Variants in C11orf65 observed in about 807,000 individuals in gnomAD.
The protein encoded by C11orf65 is chromosome 11 open reading frame 65.
In C11orf65, 38 loss-of-function variants were observed where a neutral mutation model predicts 35.3. The ratio of observed to expected loss-of-function variants is 1.08; its 90% CI spans 0.83 to 1.41. The LOEUF is 1.41. C11orf65 is among the 40% of genes most tolerant of loss of function. The probability of loss-of-function intolerance (pLI) is 0.00; values close to 1 mark genes in which losing one functional copy is unlikely to be tolerated. For synonymous variants in C11orf65, 105 were observed against 114.4 expected, an observed-to-expected ratio of 0.92 and a Z score of 0.53; for missense variants, 370 against 367.1, an observed-to-expected ratio of 1.01 and a Z score of -0.06.
downstream of C11orf65, chr11:108,328,869 G>A (rs1415779598): frequency 7.3e-6 from 6 of 823,496 alleles, no homozygotes; most frequent in South Asian, 3.6e-5. Flanking sequence ...CCCATGGGCC[G>A]TGGGTTGGAC....
intron 2 of C11orf65, chr11:108,336,177 C>A (rs1359571343): frequency 2.2e-6 from 1 of 461,278 alleles, no homozygotes; most frequent in Non-Finnish European, 3.9e-6. Flanking sequence ...ATGGCATGTG[C>A]TTGTAGTCCC....
intron 3 of C11orf65, among the ~76,000 whole-genome samples, chr11:108,333,272 A>G (rs377503791): frequency 7.2e-4 from 110 of 152,284 alleles, no homozygotes; most frequent in African/African-American, 2.5e-3. Context: ...ACTTAAAAAC[A>G]AAAAAAGGCT....
Position 108,354,875 on chromosome 11 carries a change from G to A in C11orf65, c.227-19583C>T, listed in dbSNP as rs1555143620. On this transcript the variant is annotated intron_variant, in intron 2 of 3. Coordinates refer to the C11orf65 transcript ENST00000524755. ...GGAAACTCTGTTAACCATTGTAGAGGTAAAGTATTTTATAAGGAAGACTTT... is the reference window on the plus strand; with the variant it reads ...GGAAACTCTGTTAACCATTGTAGAGATAAAGTATTTTATAAGGAAGACTTT... The A allele has an allele frequency of 1.2e-6, 2 of 1,611,036 alleles. No individual in the cohort carries two copies. Among genetic ancestry groups the A allele is most frequent in the Non-Finnish European group, 1.7e-6 (2 of 1,177,252 alleles).
chr11:108,404,731 A>G (rs979962744), intron 6 of C11orf65, among the ~76,000 whole-genome samples: 25 of 151,886 alleles, frequency 1.6e-4, no homozygotes, highest in Non-Finnish European at 2.1e-4. Context: ...GCCCGGCCAC[A>G]TGGGGGTTTA....
At chr11:108,344,270 A>G (rs1480226366) in intron 2 of C11orf65, among the ~76,000 whole-genome samples, 1 of 151,988 alleles carries the variant, frequency 6.6e-6, no homozygotes, top group Non-Finnish European at 1.5e-5. Context: ...ACAGAAGTAG[A>G]TCCAAGAAAT....
In C11orf65 at chr11:108,347,290, C is replaced by G. The variant is rs368666328; in HGVS notation, c.227-11998G>C. ...TCTTTTTTCTCCAGTTGGTTACATA[C>G]TTGGACTTGGTGATAGACATGTACA... On this transcript the variant is annotated intron_variant, in intron 2 of 3. Coordinates refer to the C11orf65 transcript ENST00000524755. 2.5e-6 allele frequency: 4 copies of G among 1,609,096 alleles called. No individual in the cohort carries two copies. Among genetic ancestry groups the G allele is most frequent in the Non-Finnish European group, 3.4e-6 (4 of 1,175,830 alleles).
At chr11:108,456,691 T>C (rs2093414594) in intron 2 of C11orf65, among the ~76,000 whole-genome samples, 1 of 151,616 alleles carries the variant, frequency 6.6e-6, no homozygotes, top group Non-Finnish European at 1.5e-5. Context: ...GCAGGAGGAT[T>C]GCTTGAGCCC....
chr11:108,450,810 T>C (rs2135640691), intron 2 of C11orf65, among the ~76,000 whole-genome samples: 1 of 151,918 alleles, frequency 6.6e-6, no homozygotes, highest in Admixed American at 6.6e-5. Flanking sequence ...TTATCCACCA[T>C]GATCAAGTCG....
downstream of C11orf65, among the ~76,000 whole-genome samples, chr11:108,381,837 G>T (rs114210461): frequency 7.7e-4 from 117 of 152,224 alleles, no homozygotes; most frequent in African/African-American, 2.6e-3. Flanking sequence ...CATAAGTATA[G>T]GCTGGACTTG....
downstream of C11orf65, chr11:108,329,263 A>G (rs1283394314): frequency 8.2e-6 from 13 of 1,577,856 alleles, no homozygotes; most frequent in African/African-American, 1.4e-5. Flanking sequence ...ACAAGTGACA[A>G]TTTTATGTTC....
At chr11:108,436,180 G>A (rs1261794315) in intron 2 of C11orf65, among the ~76,000 whole-genome samples, 1 of 152,012 alleles carries the variant, frequency 6.6e-6, no homozygotes, top group African/African-American at 2.4e-5. Context: ...TCTAGAAGGA[G>A]GAAAAGGCAG....
intron 2 of C11orf65, among the ~76,000 whole-genome samples, chr11:108,449,879 C>T (rs2093322201): frequency 6.6e-6 from 1 of 151,766 alleles, no homozygotes; most frequent in Non-Finnish European, 1.5e-5. Flanking sequence ...ATTTTTGCAA[C>T]CTACTCATCT....
At chr11:108,335,765 C>A in intron 2 of C11orf65, 1 of 1,102,032 alleles carries the variant, frequency 9.1e-7, no homozygotes, top group African/African-American at 1.6e-5. Context: ...GTTTGAGTGC[C>A]CTTTGCTATT....
chr11:108,386,839 T>A (rs2092012190), intron 7 of C11orf65, among the ~76,000 whole-genome samples: 1 of 152,090 alleles, frequency 6.6e-6, no homozygotes, highest in Admixed American at 6.6e-5. Context: ...ACCAGCACTC[T>A]GGAAGGCCGA....
At chr11:108,360,116 C>G (rs1417775433) in intron 2 of C11orf65, among the ~76,000 whole-genome samples, 1 of 151,070 alleles carries the variant, frequency 6.6e-6, no homozygotes, top group Non-Finnish European at 1.5e-5. Flanking sequence ...AAGGGGATAT[C>G]ACCACCGATC....
intron 3 of C11orf65, among the ~76,000 whole-genome samples, chr11:108,417,747 T>C (rs1404566421): frequency 3.3e-5 from 5 of 151,622 alleles, no homozygotes; most frequent in African/African-American, 9.7e-5. Context: ...GAGGGGAACA[T>C]CACACTCTGG....
At chr11:108,330,768 A>G (rs2086166583), downstream of C11orf65, among the ~76,000 whole-genome samples, 1 of 152,210 alleles carries the variant, frequency 6.6e-6, no homozygotes, top group South Asian at 2.1e-4. Flanking sequence ...GAAAGCAGTT[A>G]AAGATGATGT....
intron 2 of C11orf65, chr11:108,335,951 G>C (rs1284049490): frequency 6.2e-7 from 1 of 1,606,960 alleles, no homozygotes; most frequent in Non-Finnish European, 8.5e-7. Flanking sequence ...TTAACTATCT[G>C]TACTTATAAG....
intron 3 of C11orf65, chr11:108,334,829 C>A: frequency 1.0e-6 from 1 of 991,450 alleles, no homozygotes; most frequent in Non-Finnish European, 1.5e-6. Flanking sequence ...CACACCCGGC[C>A]TAAAGTTGTA....
Sources: allele counts gnomAD v4.1 joint callset (sites outside exome capture counted in the v4.1 genomes callset), GRCh38; gene constraint gnomAD v4.1.1; transcripts MANE v1.5; gene names NCBI Gene and HGNC (gene_info 2026-07-23, HGNC 2026-07-21).